ZNF738: variants seen among roughly 807,000 people sequenced by gnomAD.
ZNF738 encodes the protein zinc finger protein 738, also known as protein ZNF738.
Under a neutral mutation model 9.2 loss-of-function variants are expected in ZNF738, and 10 were observed. That is an observed-to-expected ratio of 1.09 (90% confidence interval 0.67 to 1.85). ZNF738 has a LOEUF of 1.85. Among genes scored for constraint, ZNF738 ranks in the 40% most tolerant of loss-of-function variants. The pLI is 0.00. For missense variants in ZNF738, 346 were observed against 283.6 expected (o/e 1.22, Z -1.58); for synonymous variants, 113 against 94.5 (o/e 1.20, Z -1.14).
At position 21,383,220 on chromosome 19, in the gene ZNF738, T is replaced by C; in HGVS notation, c.674T>C (p.Ile225Thr). 1.3e-5 allele frequency: 21 copies of C among 1,597,510 alleles called. No individual in the cohort carries two copies. The highest frequency in any genetic ancestry group is 1.8e-5 in the Non-Finnish European group (21 of 1,166,586). Residue 225 changes from isoleucine to threonine, a missense_variant, in exon 5 of 5, where the codon ATT (isoleucine) becomes ACT (threonine). By Grantham distance (89) the Ile-to-Thr change is moderately conservative. Coordinates refer to ENST00000683779, the MANE Select transcript of ZNF738 (RefSeq NM_001355237.2). ...TTACACCTAGGTCAACATAAAATAA[T>C]TCATATTAGAGAGAATTCTTACCAA... ...MLLHLGQHKI[I>T]HIRENSYQCE...
At chr19:21,381,187 C>CT (rs1413874814) in intron 4 of ZNF738, 1 of 1,341,808 alleles carries the variant, frequency 7.5e-7, no homozygotes, top group African/African-American at 1.5e-5. Context: ...CAGGAGTTTT[C>CT]TTGGAACCTA....
rs146897836 is a variant in ZNF738, at chr19:21,385,945, T to C, written c.*2271T>C. Among the ~76,000 whole-genome samples, 693 of 152,170 alleles carry C rather than the reference T, an allele frequency of 4.6e-3. 2 individuals carry two copies. Among genetic ancestry groups the C allele is most frequent in the African/African-American group, 0.016 (653 of 41,522 alleles). ...AGAAATCCTACAAATATGAAGAATG[T>C]CACAAAGCTTTTAACCACTTCTCAA... On this transcript the variant is annotated 3_prime_UTR_variant, in exon 5 of 5. Transcript: ENST00000683779.
chr19:21,369,311 A>G (rs1263843401), intron 2 of ZNF738, among the ~76,000 whole-genome samples: 2 of 152,000 alleles, frequency 1.3e-5, no homozygotes, highest in African/African-American at 4.8e-5. Flanking sequence ...CGGCTTTGCC[A>G]TGTTGCCCAG....
At position 21,376,152 on chromosome 19, in the gene ZNF738, T is replaced by G. The variant is rs539117699; in HGVS notation, c.319+188T>G. On this transcript the variant is annotated intron_variant, in intron 4 of 4. Coordinates refer to ENST00000683779, the MANE Select transcript of ZNF738 (RefSeq NM_001355237.2). ...TTGTTACTGTCACATAGGGCCATCTTCTGTCTTAGGCTTTTAAATTCTCTA... is the reference window on the plus strand; with the variant it reads ...TTGTTACTGTCACATAGGGCCATCTGCTGTCTTAGGCTTTTAAATTCTCTA... The G allele has an allele frequency of 4.0e-5, 17 of 423,024 alleles. 1 individual carries two copies. The East Asian group carries it at 6.1e-4, about 15-fold the overall frequency. 26.2% of individuals were successfully genotyped at this position (423,024 alleles called of 1,614,324 possible). A position where few individuals can be genotyped will look rare whatever the true frequency, so the allele number is the denominator to read the frequency against.
intron 4 of ZNF738, chr19:21,379,044 TTC>T (rs1246363461): frequency 1.6e-4 from 13 of 82,202 alleles, no homozygotes; most frequent in South Asian, 4.8e-4. Flanking sequence ...TTTAAAAGAT[TTC>T]TGTTATTTTT....
In ZNF738 at chr19:21,388,086, TAAGTC is replaced by T. The variant is rs1407994399; in HGVS notation, c.*4416_*4420del. ...TAAGGAACTGACACTGCAGATATAC[TAAGTC>T]AAGAGTTCTGAGTATAGAAAATAAT... On this transcript the variant is annotated 3_prime_UTR_variant, in exon 5 of 5. Transcript: ENST00000683779. 1.3e-5 allele frequency among the ~76,000 whole-genome samples: 2 copies of T among 152,178 alleles called. No individual in the cohort carries two copies. Among genetic ancestry groups the T allele is most frequent in the Non-Finnish European group, 2.9e-5 (2 of 68,018 alleles).
chr19:21,383,800 T>G lies in ZNF738; in HGVS notation c.*126T>G, dbSNP rs1468303691. 2.5e-6 allele frequency: 3 copies of G among 1,217,828 alleles called. No individual in the cohort carries two copies. Among genetic ancestry groups the G allele is most frequent in the African/African-American group, 1.5e-5 (1 of 65,786 alleles). 75.4% of individuals were successfully genotyped at this position (1,217,828 alleles called of 1,614,324 possible). A position where few individuals can be genotyped will look rare whatever the true frequency, so the allele number is the denominator to read the frequency against. ...AACAGTCCTCAAACCTTACTACTCA[T>G]GAAAATTCATTCTGGAGAGAAACCC... On this transcript the variant is annotated 3_prime_UTR_variant, in exon 5 of 5. Transcript: ENST00000683779.
At chr19:21,377,071 G>A (rs905314437) in intron 4 of ZNF738, among the ~76,000 whole-genome samples, 2 of 151,978 alleles carry the variant, frequency 1.3e-5, no homozygotes, top group Admixed American at 6.5e-5. Context: ...ACTTTGGGAG[G>A]CCGAGGCGAG....
chr19:21,386,280 A>T lies in ZNF738; in HGVS notation c.*2606A>T. ...CTTACAAATGTGAAAAATGTAGCAAACCTTTTAACTAATCCTCAACCCTTA... is the reference window on the plus strand; with the variant it reads ...CTTACAAATGTGAAAAATGTAGCAATCCTTTTAACTAATCCTCAACCCTTA... On this transcript the variant is annotated 3_prime_UTR_variant, in exon 5 of 5. Coordinates refer to ENST00000683779, the MANE Select transcript of ZNF738 (RefSeq NM_001355237.2). 1 of 278,962 alleles carries T rather than the reference A, an allele frequency of 3.6e-6. No homozygotes were observed. Among genetic ancestry groups the T allele is most frequent in the Non-Finnish European group, 7.3e-6 (1 of 136,318 alleles). 17.3% of individuals were successfully genotyped at this position (278,962 alleles called of 1,614,324 possible). A position where few individuals can be genotyped will look rare whatever the true frequency, so the allele number is the denominator to read the frequency against.
rs140014931 is a variant in ZNF738, at chr19:21,387,470, A to G, written c.*3796A>G. The stretch of plus-strand genomic sequence containing the variant: ...CTCCCAAAGTGCTGGGATTACAGGC[A>G]TGAGCCACCACTCCCTGCCTTACTT... On this transcript the variant is annotated 3_prime_UTR_variant, in exon 5 of 5. Coordinates refer to ENST00000683779, the MANE Select transcript of ZNF738 (RefSeq NM_001355237.2). Among the ~76,000 whole-genome samples the G allele has an allele frequency of 6.2e-4, 94 of 152,312 alleles. No individual in the cohort carries two copies. Among genetic ancestry groups the G allele is most frequent in the Admixed American group, 2.0e-3 (30 of 15,296 alleles).
At position 21,383,832 on chromosome 19, in the gene ZNF738, T is replaced by A; in HGVS notation, c.*158T>A. On this transcript the variant is annotated 3_prime_UTR_variant, in exon 5 of 5. Transcript: ENST00000683779. ...TCATTCTGGAGAGAAACCCTACAAA[T>A]GTGGAGAATGTGGCAAAGCTTTCTT... is the stretch of plus-strand genomic sequence containing the variant. 3.1e-6 allele frequency: 4 copies of A among 1,301,372 alleles called. No homozygotes were observed. Among genetic ancestry groups the A allele is most frequent in the Non-Finnish European group, 4.4e-6 (4 of 904,000 alleles). 80.6% of individuals were successfully genotyped at this position (1,301,372 alleles called of 1,614,324 possible).
rs1427671437 is a variant in ZNF738 at position 21,373,594 on chromosome 19, T to C, written c.97-1644T>C. The stretch of plus-strand genomic sequence containing the variant: ...CATTGTTCCTGAATCTCTGCTGTTA[T>C]AAAGGACAGAAATGGGTGTGCTTTT... On this transcript the variant is annotated intron_variant, in intron 2 of 4. Coordinates refer to ENST00000683779, the MANE Select transcript of ZNF738 (RefSeq NM_001355237.2). Among the ~76,000 whole-genome samples the C allele has an allele frequency of 2.0e-5, 3 of 152,292 alleles. No individual in the cohort carries two copies. In the East Asian group the frequency reaches 5.8e-4, roughly 29 times the overall value.
chr19:21,364,295 T>C (rs1028394113), intron 2 of ZNF738, among the ~76,000 whole-genome samples: 1 of 151,974 alleles, frequency 6.6e-6, no homozygotes, highest in African/African-American at 2.4e-5. Flanking sequence ...GGGCTTTTTT[T>C]CATAGAGTGG....
chr19:21,388,189 TAAC>T lies in ZNF738; in HGVS notation c.*4516_*4518del, dbSNP rs571272122. 2.0e-3 allele frequency among the ~76,000 whole-genome samples: 299 copies of T among 152,264 alleles called. 1 individual carries two copies. The highest frequency in any genetic ancestry group is 6.8e-3 in the African/African-American group (281 of 41,578). On this transcript the variant is annotated 3_prime_UTR_variant, in exon 5 of 5. Coordinates refer to ENST00000683779, the MANE Select transcript of ZNF738 (RefSeq NM_001355237.2). ...GAGTAAAAGATTTTTTGCAGAGTAA[TAAC>T]TACATTCTAAGTATACTTTATTTCT...
At chr19:21,380,176 C>T (rs1973986631) in intron 4 of ZNF738, among the ~76,000 whole-genome samples, 1 of 152,182 alleles carries the variant, frequency 6.6e-6, no homozygotes, top group East Asian at 1.9e-4. Context: ...TGGGTTGTTA[C>T]AATGTCTTCT....
In ZNF738 at chr19:21,384,150, G is replaced by A. The variant is rs1389858716; in HGVS notation, c.*476G>A. 2 of 1,464,600 alleles carry A rather than the reference G, an allele frequency of 1.4e-6. No individual in the cohort carries two copies. The highest frequency in any genetic ancestry group is 1.9e-6 in the Non-Finnish European group (2 of 1,049,842). The allele number at this position is 1,464,600 out of a possible 1,614,324, so 90.7% of individuals were successfully genotyped here. A position where few individuals can be genotyped will look rare whatever the true frequency, so the allele number is the denominator to read the frequency against. ...TACTACACATAAGATGATTCATACT[G>A]TAGAGAAACGCTACAAATGTGAGGA... On this transcript the variant is annotated 3_prime_UTR_variant, in exon 5 of 5. Coordinates refer to ENST00000683779, the MANE Select transcript of ZNF738 (RefSeq NM_001355237.2).
At chr19:21,374,009 T>C (rs1017889579) in intron 2 of ZNF738, among the ~76,000 whole-genome samples, 11 of 152,190 alleles carry the variant, frequency 7.2e-5, no homozygotes, top group Non-Finnish European at 1.5e-4. Flanking sequence ...TGGCTTCTTA[T>C]ACGCCATGCA....
Position 21,375,789 on chromosome 19 carries a change from T to A in ZNF738, c.224-80T>A, listed in dbSNP as rs1973919933. The A allele has an allele frequency of 1.5e-5, 9 of 613,300 alleles. No homozygotes were observed. In the East Asian group the frequency reaches 2.6e-4, roughly 18 times the overall value. 38.0% of individuals were successfully genotyped at this position (613,300 alleles called of 1,614,324 possible). A position where few individuals can be genotyped will look rare whatever the true frequency, so the allele number is the denominator to read the frequency against. On this transcript the variant is annotated intron_variant, in intron 3 of 4. Coordinates refer to ENST00000683779, the MANE Select transcript of ZNF738 (RefSeq NM_001355237.2). ...GAATTTTCTAGAATATTCTATTACC[T>A]CCTCTTTACTAAGCACAGTAATAGG...
intron 2 of ZNF738, 81 bp downstream of exon 2, chr19:21,361,939 A>G (rs942357937): frequency 6.1e-6 from 4 of 653,040 alleles, no homozygotes; most frequent in African/African-American, 5.5e-5. Context: ...AACTTAGCCA[A>G]GCATGGTGGT....
Sources: gnomAD v4.1 joint callset for allele counts (sites outside exome capture counted in the v4.1 genomes callset) on GRCh38, gnomAD v4.1.1 for gene constraint, MANE v1.5 for transcripts, NCBI Gene and HGNC (gene_info 2026-07-23, HGNC 2026-07-21) for gene names.